The following GANAB variants were observed in gnomAD, a reference collection of about 807,000 sequenced individuals.
The protein encoded by GANAB is glucosidase II alpha subunit, also known as neutral alpha-glucosidase AB.
In GANAB, 35 loss-of-function variants were observed where a neutral mutation model predicts 129.9. That is an observed-to-expected ratio of 0.27 (90% CI 0.21 to 0.36). The LOEUF (loss-of-function observed/expected upper bound fraction) is 0.36, where lower values mean the gene tolerates loss of function less well. Among genes scored for constraint, GANAB ranks in the 10% least tolerant of loss-of-function variants. The pLI, the probability that GANAB is intolerant of heterozygous loss-of-function variation, is 1.00. For missense variants in GANAB, 939 were observed against 1,221.0 expected (o/e 0.77, Z 3.44); for synonymous variants, 482 against 451.8 (o/e 1.07, Z -0.85).
chr11:62,628,987 G>A lies in GANAB; in HGVS notation c.1962C>T (p.Asn654=). 6.2e-7 allele frequency: 1 copy of A among 1,613,314 alleles called. No individual in the cohort carries two copies. Among genetic ancestry groups the A allele is most frequent in the Non-Finnish European group, 8.5e-7 (1 of 1,179,270 alleles). The change falls in exon 17 of 24, where the codon AAC becomes AAT. Residue 654 remains asparagine (N), a synonymous_variant. Coordinates refer to ENST00000356638, the MANE Select transcript of GANAB (RefSeq NM_198334.3). ...CGADVGGFFK[N]PEPELLVRWY... ...AGCGCACAAGCAGCTCTGGCTCTGG[G>A]TTTTTGAAGAAGCCACCCACATCCG...
At position 62,630,515 on chromosome 11, in the gene GANAB, A is replaced by T. The variant is rs1554972252; in HGVS notation, c.1387-10T>A. On this transcript the variant is annotated splice_polypyrimidine_tract_variant and intron_variant, in intron 11 of 23. Coordinates refer to ENST00000356638, the MANE Select transcript of GANAB (RefSeq NM_198334.3). ...CTACGATGGCCACCAGCTGGGGGCA[A>T]GGAACAGGGGTGTTCAGGTCTCTTT... The T allele has an allele frequency of 6.2e-7, 1 of 1,614,208 alleles. No homozygotes were observed.
At chr11:62,633,150 C>T in intron 7 of GANAB, 34 bp downstream of exon 7, 1 of 1,603,712 alleles carries the variant, frequency 6.2e-7, no homozygotes, top group Non-Finnish European at 8.5e-7. Context: ...GAAAGGAGCC[C>T]TGCACCCCAG....
Position 62,635,655 on chromosome 11 carries a change from T to G in GANAB, c.381-655A>C, listed in dbSNP as rs545654631. On this transcript the variant is annotated intron_variant, in intron 4 of 23. Transcript: ENST00000356638. Reference sequence around the variant, plus strand: ...TTTTTTTTTTTTTTGAGATGGAGTCTCGCTCTGTTGCCCAGGCTGGAGCAC... The same window carrying G: ...TTTTTTTTTTTTTTGAGATGGAGTCGCGCTCTGTTGCCCAGGCTGGAGCAC... 2.0e-3 allele frequency among the ~76,000 whole-genome samples: 300 copies of G among 150,706 alleles called. 2 individuals are homozygous for G. The highest frequency in any genetic ancestry group is 6.9e-3 in the African/African-American group (284 of 40,980).
rs1943305705 is a variant in GANAB, at chr11:62,625,166, G to A, written c.*649C>T. 3 of 453,648 alleles carry A rather than the reference G, an allele frequency of 6.6e-6. No individual in the cohort carries two copies. In the Admixed American group the frequency reaches 7.1e-5, roughly 11 times the overall value. 28.1% of individuals were successfully genotyped at this position (453,648 alleles called of 1,614,324 possible). A position where few individuals can be genotyped will look rare whatever the true frequency, so the allele number is the denominator to read the frequency against. ...AAACGTCTTTCTGCCGAGGGACAGA[G>A]GAGGTAGAACTGCCCCTCTAAGAAT... On this transcript the variant is annotated 3_prime_UTR_variant, in exon 24 of 24. Coordinates refer to ENST00000356638, the MANE Select transcript of GANAB (RefSeq NM_198334.3).
At chr11:62,632,803 A>G in intron 8 of GANAB, 58 bp from the exon 9 acceptor site, 1 of 1,338,846 alleles carries the variant, frequency 7.5e-7, no homozygotes, top group Non-Finnish European at 1.1e-6. Context: ...GTTATATGCT[A>G]ACACCACTCC....
In GANAB at chr11:62,628,837, T is replaced by C; in HGVS notation, c.2112A>G (p.Arg704=). The C allele has an allele frequency of 6.2e-7, 1 of 1,614,018 alleles. No homozygotes were observed. Among genetic ancestry groups the C allele is most frequent in the East Asian group, 2.2e-5 (1 of 44,852 alleles). ...TGTACCAGAAGGGCAGCAAAGAATATCGCTGGCCCAAGGCATCTCGGATTA... is the reference window on the plus strand; with the variant it reads ...TGTACCAGAAGGGCAGCAAAGAATACCGCTGGCCCAAGGCATCTCGGATTA... The part of the protein sequence containing the change: ...NDIIRDALGQ[R]YSLLPFWYTL... Residue 704 remains arginine (R), a synonymous_variant, in exon 17 of 24, where the codon CGA becomes CGG. Coordinates refer to ENST00000356638, the MANE Select transcript of GANAB (RefSeq NM_198334.3).
In GANAB at chr11:62,634,928, C is replaced by T. The variant is rs1239957112; in HGVS notation, c.453G>A (p.Leu151=). The T allele has an allele frequency of 3.7e-6, 6 of 1,613,626 alleles. No homozygotes were observed. The African/African-American group carries it at 8.0e-5, about 22-fold the overall frequency. Reference sequence around the variant, plus strand: ...GGTCAAGGCGGAATGGCCGTGCTGTCAAGATGATCTTGTAGGGTCCCTCAG... The same window carrying T: ...GGTCAAGGCGGAATGGCCGTGCTGTTAAGATGATCTTGTAGGGTCCCTCAG... ...TMAEGPYKII[L]TARPFRLDLL... is the part of the protein sequence containing the mutation. Residue 151 remains leucine, a synonymous_variant, in exon 5 of 24, where the codon TTG becomes TTA. Coordinates refer to ENST00000356638, the MANE Select transcript of GANAB (RefSeq NM_198334.3).
intron 1 of GANAB, among the ~76,000 whole-genome samples, chr11:62,640,226 G>GACAACAAAA (rs1944171420): frequency 3.7e-4 from 1 of 2,722 alleles, no homozygotes; most frequent in Admixed American, 6.2e-3. Context: ...GACAGAGCTA[G>GACAACAAAA]ACAAAAAAAA....
At chr11:62,634,057 G>A (rs1943821295) in intron 5 of GANAB, 1 of 460,688 alleles carries the variant, frequency 2.2e-6, no homozygotes, top group Non-Finnish European at 3.9e-6. Context: ...CCAGCAATAG[G>A]CAGCATCTCT....
intron 4 of GANAB, among the ~76,000 whole-genome samples, 162 bp downstream of exon 4, chr11:62,638,821 A>G (rs1944084669): frequency 6.6e-6 from 1 of 152,144 alleles, no homozygotes; most frequent in South Asian, 2.1e-4. Context: ...TAAAGAGAAA[A>G]GTGAAACAGA....
rs768129198 is a variant in GANAB, at chr11:62,626,582, G to T, written c.2500C>A (p.Leu834Ile). ...KDDPITLFVALSPQGTAQGEL... is the reference protein window; with the variant it reads ...KDDPITLFVAISPQGTAQGEL... ...GCCTATGCACTTACCTGAGGGCTAA[G>T]TGCAACAAAGAGAGTGATGGGGTCA... Residue 834 changes from leucine to isoleucine, a missense_variant, in exon 21 of 24, where the codon CTT becomes ATT. Physicochemically the swap from Leu to Ile is conservative, Grantham distance 5. Around this residue, in one of 5 missense-constraint regions of GANAB, gnomAD observed 230 missense variants for 259.9 expected, o/e 0.89. Transcript: ENST00000356638. The T allele has an allele frequency of 6.2e-6, 10 of 1,605,500 alleles. No homozygotes were observed. The Admixed American group carries it at 1.7e-4, about 27-fold the overall frequency.
chr11:62,628,235 GAGATGGA>G, intron 17 of GANAB, among the ~76,000 whole-genome samples: 1 of 11,142 alleles, frequency 9.0e-5, no homozygotes, highest in East Asian at 3.8e-3. Context: ...TCATTTTTTT[GAGATGGA>G]GTCTCCCTCT....
intron 10 of GANAB, 78 bp from the exon 11 acceptor site, chr11:62,630,914 G>A: frequency 6.8e-7 from 1 of 1,475,740 alleles, no homozygotes; most frequent in East Asian, 2.3e-5. Context: ...TTGTGAACTA[G>A]AGGCAGGCTG....
At position 62,629,259 on chromosome 11, in the gene GANAB, T is replaced by C. The variant is rs1456159346; in HGVS notation, c.1871A>G (p.Asp624Gly). The change falls in exon 16 of 24, where the codon GAC becomes GGC. Residue 624 changes from aspartate (D) to glycine (G), a missense_variant. Asp to Gly is a moderately conservative substitution (Grantham distance 94, BLOSUM62 -1). Coordinates refer to ENST00000356638, the MANE Select transcript of GANAB (RefSeq NM_198334.3). ...CATAGGAATAGAGATCTTCAAATGG[T>C]CCCACTCGGCAGTGTTGTCCCCTGT... ...VWTGDNTAEW[D>G]HLKISIPMCL... is the part of the protein sequence containing the mutation. 1 of 1,613,488 alleles carries C rather than the reference T, an allele frequency of 6.2e-7. No individual in the cohort carries two copies. The highest frequency in any genetic ancestry group is 1.1e-5 in the South Asian group (1 of 91,082).
intron 4 of GANAB, among the ~76,000 whole-genome samples, chr11:62,638,586 GGAAGGAAGGAAGGAAGGAAGGAAGGA>G (rs1944058628): frequency 5.3e-4 from 4 of 7,514 alleles, no homozygotes; most frequent in Non-Finnish European, 5.4e-4. Context: ...AAAGGAGGAA[GGAAGGAAGGAAGGAAGGAAGGAAGGA>G]AGGAAGGAAG....
chr11:62,632,681 C>A lies in GANAB; in HGVS notation c.880G>T (p.Ala294Ser), dbSNP rs1429306344. ...AGCACAGGCACAGACCCATACAAGGCCATTGGGTTGTACAGCTCATACTGG... is the reference window on the plus strand; with the variant it reads ...AGCACAGGCACAGACCCATACAAGGACATTGGGTTGTACAGCTCATACTGG... ...VFQYELYNPM[A>S]LYGSVPVLLA... is the part of the protein sequence containing the mutation. Residue 294 changes from alanine to serine, a missense_variant, in exon 9 of 24, where the codon GCC becomes TCC. Ala to Ser is a moderately conservative substitution (Grantham distance 99). Coordinates refer to ENST00000356638, the MANE Select transcript of GANAB (RefSeq NM_198334.3). The A allele has an allele frequency of 6.2e-7, 1 of 1,613,374 alleles. No individual in the cohort carries two copies.
At chr11:62,633,551 G>C (rs751875142) in intron 5 of GANAB, 37 bp from the exon 6 acceptor site, 43 of 1,588,726 alleles carry the variant, frequency 2.7e-5, no homozygotes, top group Non-Finnish European at 3.6e-5. Context: ...CAATCCAGAG[G>C]GGGCAGGGAC....
intron 18 of GANAB, 48 bp from the exon 19 acceptor site, chr11:62,627,172 A>C: frequency 6.6e-7 from 1 of 1,510,612 alleles, no homozygotes; most frequent in African/African-American, 1.4e-5. Context: ...AGTTCCCAGA[A>C]CAGGGAACAC....
intron 1 of GANAB, among the ~76,000 whole-genome samples, chr11:62,640,334 C>T (rs1186782547): frequency 1.4e-5 from 2 of 143,610 alleles, no homozygotes; most frequent in Admixed American, 1.4e-4. Flanking sequence ...GAGATCGAGA[C>T]CATCCTGGCT....
Sources: gnomAD v4.1 joint callset for allele counts (sites outside exome capture counted in the v4.1 genomes callset) on GRCh38, gnomAD v4.1.1 for gene constraint, gnomAD v4.1.1 regional missense constraint, MANE v1.5 for transcripts, NCBI Gene and HGNC (gene_info 2026-07-23, HGNC 2026-07-21) for gene names.